FLT3: variants seen among roughly 807,000 people sequenced by gnomAD.
The protein encoded by FLT3 is fms related receptor tyrosine kinase 3, also known as receptor-type tyrosine-protein kinase FLT3.
FLT3 carries 46 observed loss-of-function variants against 126.6 expected under a neutral mutation model. That is an observed-to-expected ratio of 0.36 (90% CI 0.29 to 0.46). FLT3 has a LOEUF of 0.46. Ranked by LOEUF, FLT3 falls within the 20% of genes least tolerant of loss-of-function variation. The pLI, the probability that FLT3 is intolerant of heterozygous loss-of-function variation, is 1.00. For synonymous variants in FLT3, 404 were observed against 434.4 expected (o/e 0.93, Z 0.87); for missense variants, 1,069 against 1,190.3 (o/e 0.90, Z 1.50).
At chr13:28,031,249 A>C (rs1007985329) in intron 15 of FLT3, among the ~76,000 whole-genome samples, 1 of 152,142 alleles carries the variant, frequency 6.6e-6, no homozygotes, top group South Asian at 2.1e-4. Flanking sequence ...AAAAAATGCA[A>C]CGTGGCAAAG....
At chr13:28,036,089 G>T (rs1279670878) in intron 10 of FLT3, 46 bp from the exon 11 acceptor site, 2 of 1,480,420 alleles carry the variant, frequency 1.4e-6, no homozygotes, top group African/African-American at 2.8e-5. Context: ...TGGGCATAGT[G>T]GTTCACTCCT....
intron 9 of FLT3, among the ~76,000 whole-genome samples, chr13:28,038,452 GT>G (rs1268645868): frequency 0.014 from 2,052 of 144,498 alleles, 42 homozygotes; most frequent in African/African-American, 0.044. Flanking sequence ...CCTACTGAAA[GT>G]TTTTTTTTTT....
At chr13:28,055,555 C>T (rs79386735) in intron 4 of FLT3, among the ~76,000 whole-genome samples, 1 of 152,200 alleles carries the variant, frequency 6.6e-6, no homozygotes, top group Non-Finnish European at 1.5e-5. Context: ...TTGTGGTTGA[C>T]TAAACCCTTT....
At chr13:28,011,701 T>TCCC (rs1566055079) in intron 23 of FLT3, among the ~76,000 whole-genome samples, 3 of 84,604 alleles carry the variant, frequency 3.5e-5, no homozygotes, top group African/African-American at 1.1e-4. Flanking sequence ...CTTCCTTTCT[T>TCCC]TCTCTTTTTC....
chr13:28,057,423 G>T lies in FLT3; in HGVS notation c.408C>A (p.Thr136=). The change falls in exon 4 of 24, where the codon ACC becomes ACA. Residue 136 remains threonine (T), a synonymous_variant. Coordinates refer to ENST00000241453, the MANE Select transcript of FLT3 (RefSeq NM_004119.3). ...VSMVILKMTE[T]QAGEYLLFIQ... is the part of the protein sequence containing the mutation. The stretch of plus-strand genomic sequence containing the variant: ...TAAAAAGTAGGTATTCTCCAGCTTG[G>T]GTTTCTGTCATTTTCAAAATGACCA... 1 of 1,582,646 alleles carries T rather than the reference G, an allele frequency of 6.3e-7. No individual in the cohort carries two copies. The highest frequency in any genetic ancestry group is 8.7e-7 in the Non-Finnish European group (1 of 1,151,406).
chr13:28,100,506 G>T lies in FLT3; in HGVS notation c.5C>A (p.Pro2Gln), dbSNP rs1879764124. 8.2e-7 allele frequency: 1 copy of T among 1,216,206 alleles called. No individual in the cohort carries two copies. Among genetic ancestry groups the T allele is most frequent in the Non-Finnish European group, 1.0e-6 (1 of 977,998 alleles). The allele number at this position is 1,216,206 out of a possible 1,614,324, so 75.3% of individuals were successfully genotyped here. A position where few individuals can be genotyped will look rare whatever the true frequency, so the allele number is the denominator to read the frequency against. The change falls in exon 1 of 24, where the codon CCG (proline) becomes CAG (glutamine). Residue 2 changes from proline to glutamine, a missense_variant. Physicochemically the swap from Pro to Gln is moderately conservative, Grantham distance 76. Transcript: ENST00000241453. The surrounding 1 kb of genome is among the most constrained non-coding windows in gnomAD (Gnocchi z 4.8). Reference protein sequence around the residue: MPALARDGGQLP... With the variant: MQALARDGGQLP... Reference sequence around the variant, plus strand: ...CTGGCCGCCGTCGCGCGCCAACGCCGGCATGGCCTCCGGAGCCCGGGGTCC... The same window carrying T: ...CTGGCCGCCGTCGCGCGCCAACGCCTGCATGGCCTCCGGAGCCCGGGGTCC...
chr13:28,014,395 T>C, intron 23 of FLT3, 57 bp downstream of exon 23: 4 of 1,208,602 alleles, frequency 3.3e-6, no homozygotes, highest in Non-Finnish European at 4.9e-6. Flanking sequence ...CAGCAACAAG[T>C]GTTTTAATTT....
chr13:28,007,452 G>A (rs1871007364), intron 23 of FLT3, among the ~76,000 whole-genome samples: 1 of 151,930 alleles, frequency 6.6e-6, no homozygotes, highest in Admixed American at 6.6e-5. Flanking sequence ...CCATTATGTT[G>A]CCCAGTCTGG....
At chr13:28,065,478 C>T (rs1876931064) in intron 2 of FLT3, among the ~76,000 whole-genome samples, 1 of 151,826 alleles carries the variant, frequency 6.6e-6, no homozygotes, top group African/African-American at 2.4e-5. Context: ...CCCATCTCTA[C>T]AAAAAATTAA....
At chr13:28,097,447 A>T (rs1879532935) in intron 1 of FLT3, among the ~76,000 whole-genome samples, 1 of 151,386 alleles carries the variant, frequency 6.6e-6, no homozygotes, top group Admixed American at 6.6e-5. Context: ...AGGAGAATCC[A>T]ATAACAAATA....
At chr13:28,076,253 AT>A (rs1877919578) in intron 1 of FLT3, among the ~76,000 whole-genome samples, 1 of 152,190 alleles carries the variant, frequency 6.6e-6, no homozygotes, top group African/African-American at 2.4e-5. Context: ...GCTGACGTTT[AT>A]TTTATTTCAT....
At chr13:28,072,909 G>A (rs1210859223) in intron 1 of FLT3, among the ~76,000 whole-genome samples, 3 of 152,108 alleles carry the variant, frequency 2.0e-5, no homozygotes, top group Non-Finnish European at 4.4e-5. Context: ...GGAGGCTGAG[G>A]CAGGAGAATA....
intron 10 of FLT3, 108 bp from the exon 11 acceptor site, chr13:28,036,151 A>T (rs1179212848): frequency 1.0e-4 from 86 of 842,868 alleles, no homozygotes; most frequent in Non-Finnish European, 1.5e-4. Context: ...TGGGCCAAGG[A>T]GTTCAAGACC....
chr13:28,080,405 G>A (rs1392600045), intron 1 of FLT3, among the ~76,000 whole-genome samples: 1 of 151,962 alleles, frequency 6.6e-6, no homozygotes, highest in Non-Finnish European at 1.5e-5. Flanking sequence ...AAACATTAGG[G>A]ATCAAATTTC....
chr13:28,058,207 T>TAAAAAAAAAAAAA (rs57780867), intron 3 of FLT3, among the ~76,000 whole-genome samples: 3 of 127,662 alleles, frequency 2.3e-5, no homozygotes, highest in Non-Finnish European at 1.6e-5. Context: ...TTTTAAAAAT[T>TAAAAAAAAAAAAA]AAAAAAAAAA....
chr13:28,007,106 C>T (rs1870976681), intron 23 of FLT3, among the ~76,000 whole-genome samples: 1 of 152,090 alleles, frequency 6.6e-6, no homozygotes, highest in African/African-American at 2.4e-5. Context: ...TTTTTAAATA[C>T]ATTCTCCTTA....
intron 3 of FLT3, among the ~76,000 whole-genome samples, chr13:28,061,320 C>T (rs1023410504): frequency 1.3e-5 from 2 of 150,690 alleles, no homozygotes; most frequent in Non-Finnish European, 2.9e-5. Context: ...CAGGCCACTG[C>T]ACTCCAGCCT....
In FLT3 at chr13:28,050,132, A is replaced by G; in HGVS notation, c.705T>C (p.Asn235=). The change falls in exon 6 of 24, where the codon AAT becomes AAC. Residue 235 remains asparagine (N), a synonymous_variant. Transcript: ENST00000241453. ...GCCTGGTGCATTCCCTGCCCAGTTC[A>G]TTTCTGGCACAGCACCTTATGTCCG... ...FGTDIRCCAR[N]ELGRECTRLF... 1.2e-6 allele frequency: 2 copies of G among 1,614,136 alleles called. No homozygotes were observed. The highest frequency in any genetic ancestry group is 4.5e-5 in the East Asian group (2 of 44,876).
intron 1 of FLT3, among the ~76,000 whole-genome samples, chr13:28,081,640 G>A (rs1435204606): frequency 6.6e-6 from 1 of 152,006 alleles, no homozygotes; most frequent in Non-Finnish European, 1.5e-5. Flanking sequence ...GTATAAAGTT[G>A]AATAAAAGAA....
Sources: gnomAD v4.1 joint callset for allele counts (sites outside exome capture counted in the v4.1 genomes callset) on GRCh38, gnomAD v4.1.1 for gene constraint, Gnocchi (gnomAD v3.1) non-coding constraint, MANE v1.5 for transcripts, NCBI Gene and HGNC (gene_info 2026-07-23, HGNC 2026-07-21) for gene names.